Variants in EPB41 observed in about 807,000 individuals in gnomAD.
EPB41 encodes the protein protein 4.1.
A neutral mutation model predicts 108.0 loss-of-function variants in EPB41; 65 were observed. The ratio of observed to expected loss-of-function variants is 0.60; its 90% confidence interval spans 0.49 to 0.74. The LOEUF is 0.74. EPB41 is among the 30% of genes least tolerant of loss of function. The pLI, the probability that EPB41 is intolerant of heterozygous loss-of-function variation, is 0.00. For missense variants in EPB41, 875 were observed against 1,037.0 expected, an observed-to-expected ratio of 0.84 and a Z score of 2.15; for synonymous variants, 336 against 358.9, an observed-to-expected ratio of 0.94 and a Z score of 0.72.
intron 7 of EPB41, among the ~76,000 whole-genome samples, chr1:29,022,167 A>G (rs531520134): frequency 6.6e-6 from 1 of 152,218 alleles, no homozygotes; most frequent in East Asian, 1.9e-4. Flanking sequence ...ATATTATATC[A>G]AGGTTTGGAA....
intron 17 of EPB41, among the ~76,000 whole-genome samples, chr1:29,106,493 T>C (rs891206154): frequency 1.3e-5 from 2 of 150,238 alleles, no homozygotes; most frequent in Non-Finnish European, 3.0e-5. Flanking sequence ...GTTTCACTCT[T>C]GTTGCCCAGG....
intron 1 of EPB41, among the ~76,000 whole-genome samples, chr1:28,987,128 A>G (rs1044026001): frequency 6.6e-6 from 1 of 152,216 alleles, no homozygotes; most frequent in Non-Finnish European, 1.5e-5. Context: ...TATTTACTGT[A>G]TACAGTTCTA....
At chr1:28,970,998 C>G (rs1433610526) in intron 1 of EPB41, among the ~76,000 whole-genome samples, 1 of 151,670 alleles carries the variant, frequency 6.6e-6, no homozygotes, top group Non-Finnish European at 1.5e-5. Context: ...CAGGCGCGTG[C>G]CACTACGCCC....
At chr1:29,101,002 A>G (rs75074329) in intron 17 of EPB41, among the ~76,000 whole-genome samples, 1 of 151,776 alleles carries the variant, frequency 6.6e-6, no homozygotes, top group Non-Finnish European at 1.5e-5. Flanking sequence ...TGGTGGGTGG[A>G]TCACCTGAGG....
chr1:29,057,269 G>T (rs1281630209), intron 12 of EPB41, among the ~76,000 whole-genome samples: 1 of 151,072 alleles, frequency 6.6e-6, no homozygotes, highest in Non-Finnish European at 1.5e-5. Flanking sequence ...CCAGCTACTT[G>T]GGAGGCTGAG....
At chr1:29,090,606 C>T (rs540979601) in intron 16 of EPB41, among the ~76,000 whole-genome samples, 29 of 152,174 alleles carry the variant, frequency 1.9e-4, no homozygotes, top group Non-Finnish European at 2.2e-4. Flanking sequence ...CAAAATTAGC[C>T]GGGCGCGATG....
At chr1:28,895,783 C>T (rs157228) in intron 1 of EPB41, among the ~76,000 whole-genome samples, 14,099 of 152,174 alleles carry the variant, frequency 0.093, 725 homozygotes, top group South Asian at 0.14. Context: ...CCACCACGCC[C>T]GGCCCTAAGG....
chr1:29,003,346 G>GGCAGAGTGACATCCTCTAGTT, intron 4 of EPB41, among the ~76,000 whole-genome samples: 1 of 152,318 alleles, frequency 6.6e-6, no homozygotes, highest in South Asian at 2.1e-4. Context: ...AGTGAGTAAA[G>GGCAGAGTGACATCCTCTAGTT]GCAGAGTGAC....
In EPB41 at chr1:29,036,037, G is replaced by A. The variant is rs377511687; in HGVS notation, c.1463+114G>A. On this transcript the variant is annotated intron_variant, in intron 10 of 20. Transcript: ENST00000343067. ...GACTGGCACTCTTTTATTTAGCTCA[G>A]GTGAGATCATCTTAAGCAAGACAAA... The A allele has an allele frequency of 2.3e-5, 18 of 778,674 alleles. No individual in the cohort carries two copies. In the African/African-American group the frequency reaches 2.4e-4, roughly 11 times the overall value. 48.2% of individuals were successfully genotyped at this position (778,674 alleles called of 1,614,324 possible).
At chr1:28,963,774 C>T (rs1002765741) in intron 1 of EPB41, among the ~76,000 whole-genome samples, 1 of 152,170 alleles carries the variant, frequency 6.6e-6, no homozygotes, top group Non-Finnish European at 1.5e-5. Context: ...CTTATATACC[C>T]AGGGTTACAC....
rs759763337 is a variant in EPB41, at chr1:29,053,227, C to T, written c.1760C>T (p.Ala587Val). Residue 587 changes from alanine to valine, a missense_variant, in exon 12 of 21, where the codon GCA becomes GTA. Physicochemically the swap from Ala to Val is moderately conservative, Grantham distance 64. Transcript: ENST00000343067. ...ASAKKTVVPK[A>V]QKETVKAEVK... ...GCTAAAAAAACAGTGGTCCCTAAAG[C>T]ACAGAAGGAAACAGTGAAGGCTGAA... 11 of 1,614,092 alleles carry T rather than the reference C, an allele frequency of 6.8e-6. No homozygotes were observed. The highest frequency in any genetic ancestry group is 1.7e-5 in the Admixed American group (1 of 59,992).
At position 29,025,947 on chromosome 1, in the gene EPB41, G is replaced by GAA. The variant is rs2096713484; in HGVS notation, c.1125-4452_1125-4451dup. Among the ~76,000 whole-genome samples, 5 of 152,140 alleles carry GAA rather than the reference G, an allele frequency of 3.3e-5. 1 individual carries two copies. Among genetic ancestry groups the GAA allele is most frequent in the Admixed American group, 3.3e-4 (5 of 15,274 alleles). ...GGGTTTCAGAAGCCAAGCAGAGCAA[G>GAA]AAGGGCATCCATGTGGGGGAAAAGC... is the stretch of plus-strand genomic sequence containing the variant. On this transcript the variant is annotated intron_variant, in intron 7 of 20. Coordinates refer to ENST00000343067, the MANE Select transcript of EPB41 (RefSeq NM_001376013.1).
intron 1 of EPB41, among the ~76,000 whole-genome samples, chr1:28,936,065 G>A (rs1017588913): frequency 2.0e-5 from 3 of 152,154 alleles, no homozygotes; most frequent in Non-Finnish European, 4.4e-5. Context: ...ACCTTGGCAT[G>A]ATTTATTTGC....
chr1:29,044,735 C>T (rs1642641703), intron 11 of EPB41, among the ~76,000 whole-genome samples: 1 of 152,134 alleles, frequency 6.6e-6, no homozygotes, highest in Non-Finnish European at 1.5e-5. Flanking sequence ...GCCTGAATTC[C>T]CAGCTACTCA....
chr1:29,115,090 ATAGG>A lies in EPB41; in HGVS notation c.2497-606_2497-603del, dbSNP rs1362860020. Among the ~76,000 whole-genome samples the A allele has an allele frequency of 1.3e-5, 2 of 152,090 alleles. No homozygotes were observed. Among genetic ancestry groups the A allele is most frequent in the African/African-American group, 4.8e-5 (2 of 41,398 alleles). On this transcript the variant is annotated intron_variant, in intron 19 of 20. Coordinates refer to ENST00000343067, the MANE Select transcript of EPB41 (RefSeq NM_001376013.1). The surrounding 1 kb of genome is among the most constrained non-coding windows in gnomAD (Gnocchi z 4.4). ...CTCCAGGTATAATGATAGATAATAG[ATAGG>A]TATAATAGATAATATAGGCCAGGTG... is the stretch of plus-strand genomic sequence containing the variant.
At chr1:29,076,743 GA>G (rs762981943) in intron 16 of EPB41, among the ~76,000 whole-genome samples, 8 of 152,080 alleles carry the variant, frequency 5.3e-5, no homozygotes, top group Non-Finnish European at 1.2e-4. Context: ...GAGATTCTCA[GA>G]GGTAAGAGGC....
In EPB41 at chr1:29,015,305, C is replaced by G. The variant is rs539128123; in HGVS notation, c.830-387C>G. Among the ~76,000 whole-genome samples the G allele has an allele frequency of 9.7e-4, 148 of 152,154 alleles. 1 individual carries two copies. The highest frequency in any genetic ancestry group is 3.4e-3 in the Middle Eastern group (1 of 294). ...GGGCGTGGTGGCTCATGCCTGTAAT[C>G]CCAGCACTTTGGGAGGCCGAGGCGG... On this transcript the variant is annotated intron_variant, in intron 5 of 20. Coordinates refer to ENST00000343067, the MANE Select transcript of EPB41 (RefSeq NM_001376013.1).
chr1:28,957,930 G>T (rs1164378199), intron 1 of EPB41, among the ~76,000 whole-genome samples: 1 of 151,646 alleles, frequency 6.6e-6, no homozygotes, highest in Non-Finnish European at 1.5e-5. Flanking sequence ...TTTCCATACT[G>T]TTTGAATTTT....
intron 17 of EPB41, among the ~76,000 whole-genome samples, chr1:29,108,336 T>G (rs940132079): frequency 6.7e-6 from 1 of 149,052 alleles, no homozygotes; most frequent in Non-Finnish European, 1.5e-5. Flanking sequence ...TTAGTAGAGA[T>G]GGGGTTTCTC....
Sources: allele counts gnomAD v4.1 joint callset (sites outside exome capture counted in the v4.1 genomes callset), GRCh38; gene constraint gnomAD v4.1.1; non-coding constraint Gnocchi (gnomAD v3.1); transcripts MANE v1.5; gene names NCBI Gene and HGNC (gene_info 2026-07-23, HGNC 2026-07-21).